The following RERE variants were observed in gnomAD, a reference collection of about 807,000 sequenced individuals.
The protein encoded by RERE is arginine-glutamic acid dipeptide repeats protein.
A neutral mutation model predicts 146.1 loss-of-function variants in RERE; 40 were observed. The ratio of observed to expected loss-of-function variants is 0.27; its 90% CI spans 0.21 to 0.36. RERE has a LOEUF of 0.36. Among genes scored for constraint, RERE ranks in the 10% least tolerant of loss-of-function variants. The pLI, the probability that RERE is intolerant of heterozygous loss-of-function variation, is 1.00. For missense variants in RERE, 1,933 were observed against 2,138.7 expected, an observed-to-expected ratio of 0.90 and a Z score of 1.90; for synonymous variants, 1,003 against 866.0, an observed-to-expected ratio of 1.16 and a Z score of -2.78.
chr1:8,550,190 TA>T (rs572093952), intron 6 of RERE, among the ~76,000 whole-genome samples: 2 of 152,120 alleles, frequency 1.3e-5, no homozygotes, highest in Admixed American at 6.5e-5. Context: ...TAGCTCCAAA[TA>T]AAAGAAAGTT....
chr1:8,390,032 T>C (rs1642830510), intron 12 of RERE, among the ~76,000 whole-genome samples: 1 of 151,340 alleles, frequency 6.6e-6, no homozygotes, highest in Non-Finnish European at 1.5e-5. Context: ...AGAACAAGAG[T>C]AGTTAGACAG....
At chr1:8,625,276 T>TG (rs1342249026) in intron 2 of RERE, among the ~76,000 whole-genome samples, 1 of 152,134 alleles carries the variant, frequency 6.6e-6, no homozygotes, top group Non-Finnish European at 1.5e-5. Context: ...CTTTTTAAAA[T>TG]GCCATGTTAA....
chr1:8,757,303 A>C (rs1640662653), intron 1 of RERE, among the ~76,000 whole-genome samples: 1 of 152,184 alleles, frequency 6.6e-6, no homozygotes, highest in Non-Finnish European at 1.5e-5. Flanking sequence ...CTAGCAAATT[A>C]CTGCCCCATT....
intron 3 of RERE, among the ~76,000 whole-genome samples, chr1:8,623,078 T>A (rs1646935603): frequency 6.6e-6 from 1 of 152,184 alleles, no homozygotes; most frequent in Non-Finnish European, 1.5e-5. Flanking sequence ...AAGATCAAAA[T>A]GTTTCAAAAG....
chr1:8,789,301 A>AAAAAAAAAAAAAAAAT, intron 1 of RERE, among the ~76,000 whole-genome samples: 3 of 24,810 alleles, frequency 1.2e-4, no homozygotes, highest in African/African-American at 2.3e-4. Flanking sequence ...AAAAAAAAAA[A>AAAAAAAAAAAAAAAAT]ATATATATAT....
At chr1:8,404,393 C>T (rs763879104) in intron 12 of RERE, among the ~76,000 whole-genome samples, 3 of 151,550 alleles carry the variant, frequency 2.0e-5, no homozygotes, top group African/African-American at 7.3e-5. Flanking sequence ...ACTCCTGCCT[C>T]GGCGACATAG....
At chr1:8,565,748 A>C (rs1646145505) in intron 4 of RERE, among the ~76,000 whole-genome samples, 1 of 152,162 alleles carries the variant, frequency 6.6e-6, no homozygotes, top group Admixed American at 6.6e-5. Context: ...AGAATTTTAC[A>C]TATCTATATA....
At chr1:8,662,736 T>C (rs1376438987) in intron 1 of RERE, among the ~76,000 whole-genome samples, 1 of 152,060 alleles carries the variant, frequency 6.6e-6, no homozygotes, top group Non-Finnish European at 1.5e-5. Flanking sequence ...CTGTCAGTAC[T>C]TAAGCTTAAG....
intron 8 of RERE, among the ~76,000 whole-genome samples, chr1:8,502,679 G>C (rs1645190363): frequency 1.3e-5 from 2 of 150,734 alleles, no homozygotes; most frequent in Non-Finnish European, 3.0e-5. Flanking sequence ...TGAGAAATCG[G>C]ATGGTTGCCG....
In RERE at chr1:8,375,632, A is replaced by AGCAGCCACTGAAAATGCTTCCTCG. The variant is rs1221951173; in HGVS notation, c.1285-9659_1285-9658insCGAGGAAGCATTTTCAGTGGCTGC. ...CAGCAGCCACTGAAAATGCTTCCTC[A>AGCAGCCACTGAAAATGCTTCCTCG]CTCAGCAGCCACTGAAAATGCTTCC... is the stretch of plus-strand genomic sequence containing the variant. On this transcript the variant is annotated intron_variant, in intron 12 of 22. Transcript: ENST00000400908. 7.6e-5 allele frequency among the ~76,000 whole-genome samples: 6 copies of AGCAGCCACTGAAAATGCTTCCTCG among 79,130 alleles called. 2 individuals carry two copies. Among genetic ancestry groups the AGCAGCCACTGAAAATGCTTCCTCG allele is most frequent in the African/African-American group, 9.3e-5 (2 of 21,538 alleles). 51.9% of individuals were successfully genotyped at this position (79,130 alleles called of 152,430 possible).
chr1:8,627,257 CA>C (rs1646985328), intron 2 of RERE, among the ~76,000 whole-genome samples: 1 of 152,128 alleles, frequency 6.6e-6, no homozygotes, highest in Admixed American at 6.5e-5. Context: ...CAATTACTAT[CA>C]ATCTTGTAGG....
rs79767787 is a variant in RERE, at chr1:8,616,118, A to G, written c.397-1432T>C. On this transcript the variant is annotated intron_variant, in intron 3 of 22. Coordinates refer to ENST00000400908, the MANE Select transcript of RERE (RefSeq NM_001042681.2). ...GCCAGAAGCATCAAAATAAAAATGGACTTCTGGATAATCTCTTCCACTAGG... is the reference window on the plus strand; with the variant it reads ...GCCAGAAGCATCAAAATAAAAATGGGCTTCTGGATAATCTCTTCCACTAGG... Among the ~76,000 whole-genome samples the G allele has an allele frequency of 4.9e-3, 740 of 152,330 alleles. 3 individuals carry two copies. Among genetic ancestry groups the G allele is most frequent in the African/African-American group, 0.017 (719 of 41,566 alleles).
intron 10 of RERE, among the ~76,000 whole-genome samples, chr1:8,468,680 T>G (rs1157659413): frequency 1.3e-5 from 2 of 152,088 alleles, no homozygotes; most frequent in East Asian, 3.8e-4. Context: ...GTTCAGGAAT[T>G]CAAGACTAAC....
chr1:8,423,137 T>A lies in RERE; in HGVS notation c.1204-330A>T. 4.2e-6 allele frequency: 1 copy of A among 238,952 alleles called. No individual in the cohort carries two copies. Among genetic ancestry groups the A allele is most frequent in the East Asian group, 8.6e-5 (1 of 11,616 alleles). 14.8% of individuals were successfully genotyped at this position (238,952 alleles called of 1,614,324 possible). On this transcript the variant is annotated intron_variant, in intron 11 of 22. Coordinates refer to ENST00000400908, the MANE Select transcript of RERE (RefSeq NM_001042681.2). The surrounding 1 kb of genome is among the most constrained non-coding windows in gnomAD (Gnocchi z 5.4). The stretch of plus-strand genomic sequence containing the variant: ...TGCACGAAGGTATAAATATGCTCCA[T>A]GTTTTAATAAAACACAACTGCTTTC...
At chr1:8,432,521 G>A (rs1318047688) in intron 11 of RERE, among the ~76,000 whole-genome samples, 1 of 152,132 alleles carries the variant, frequency 6.6e-6, no homozygotes, top group African/African-American at 2.4e-5. Context: ...CACAGAGTCC[G>A]CTCTGCTCTC....
chr1:8,516,560 G>A (rs1194418401), intron 7 of RERE, among the ~76,000 whole-genome samples: 1 of 152,116 alleles, frequency 6.6e-6, no homozygotes, highest in Non-Finnish European at 1.5e-5. Flanking sequence ...TCAGGTCACT[G>A]AAGCCAAGAG....
intron 2 of RERE, among the ~76,000 whole-genome samples, chr1:8,630,670 T>C (rs913471888): frequency 2.6e-5 from 4 of 152,198 alleles, no homozygotes; most frequent in Admixed American, 6.5e-5. Flanking sequence ...CAGTGAGCTA[T>C]GATCCAGCCA....
intron 7 of RERE, among the ~76,000 whole-genome samples, chr1:8,535,838 T>G (rs2124379356): frequency 6.6e-6 from 1 of 152,242 alleles, no homozygotes; most frequent in South Asian, 2.1e-4. Context: ...CCGGGCATGG[T>G]GGCCCCTGCC....
chr1:8,611,912 C>T (rs1472747162), intron 4 of RERE, among the ~76,000 whole-genome samples: 1 of 152,174 alleles, frequency 6.6e-6, no homozygotes, highest in African/African-American at 2.4e-5. Context: ...CTTCCTACCT[C>T]CCTCACTACT....
Sources: allele counts gnomAD v4.1 joint callset (sites outside exome capture counted in the v4.1 genomes callset), GRCh38; gene constraint gnomAD v4.1.1; non-coding constraint Gnocchi (gnomAD v3.1); transcripts MANE v1.5; gene names NCBI Gene and HGNC (gene_info 2026-07-23, HGNC 2026-07-21).